PELI2: variants seen among roughly 807,000 people sequenced by gnomAD.
The protein encoded by PELI2 is E3 ubiquitin-protein ligase pellino homolog 2.
Under a neutral mutation model 42.3 loss-of-function variants are expected in PELI2, and 23 were observed. The ratio of observed to expected loss-of-function variants is 0.54; its 90% CI spans 0.39 to 0.77. The LOEUF is 0.77. Ranked by LOEUF, PELI2 falls within the 30% of genes least tolerant of loss-of-function variation. The pLI, the probability that PELI2 is intolerant of heterozygous loss-of-function variation, is 0.00. For synonymous variants in PELI2, 245 were observed against 212.2 expected (o/e 1.15, Z -1.34); for missense variants, 463 against 553.2 (o/e 0.84, Z 1.64).
chr14:56,140,802 T>C (rs945651384), intron 1 of PELI2, among the ~76,000 whole-genome samples: 1 of 152,210 alleles, frequency 6.6e-6, no homozygotes, highest in Non-Finnish European at 1.5e-5. Flanking sequence ...CCACAGGATC[T>C]AATGGGCAAG....
intron 1 of PELI2, among the ~76,000 whole-genome samples, chr14:56,152,648 G>A (rs1884407057): frequency 6.6e-6 from 1 of 152,048 alleles, no homozygotes; most frequent in Non-Finnish European, 1.5e-5. Flanking sequence ...ATTATCTTGT[G>A]TTTATGGTTT....
At chr14:56,266,252 T>C (rs1231799016) in intron 2 of PELI2, among the ~76,000 whole-genome samples, 3 of 151,974 alleles carry the variant, frequency 2.0e-5, no homozygotes, top group Non-Finnish European at 4.4e-5. Context: ...AAGCAAATAT[T>C]GATTTGTTTG....
At chr14:56,216,724 A>G (rs115842263) in intron 2 of PELI2, among the ~76,000 whole-genome samples, 112 of 152,368 alleles carry the variant, frequency 7.4e-4, no homozygotes, top group African/African-American at 2.6e-3. Flanking sequence ...GGCTGTGTTC[A>G]GAGTTCCATT....
At chr14:56,214,617 T>G (rs1886832363) in intron 2 of PELI2, among the ~76,000 whole-genome samples, 1 of 152,168 alleles carries the variant, frequency 6.6e-6, no homozygotes, top group African/African-American at 2.4e-5. Flanking sequence ...AGTCAGCTTC[T>G]GCTGTATGTC....
intron 2 of PELI2, among the ~76,000 whole-genome samples, chr14:56,228,499 T>C (rs182732058): frequency 6.6e-6 from 1 of 152,378 alleles, no homozygotes; most frequent in African/African-American, 2.4e-5. Flanking sequence ...TCATGTATTT[T>C]ATAATTAGGT....
chr14:56,296,542 C>A, intron 5 of PELI2, 58 bp from the exon 6 acceptor site: 2 of 1,163,298 alleles, frequency 1.7e-6, no homozygotes, highest in Non-Finnish European at 2.5e-6. Context: ...AGGAAAGAAT[C>A]TTGGAGTGAT....
chr14:56,175,805 C>T (rs1594611132), intron 1 of PELI2, among the ~76,000 whole-genome samples: 2 of 152,124 alleles, frequency 1.3e-5, no homozygotes, highest in South Asian at 4.1e-4. Flanking sequence ...ATTGAGTTAG[C>T]TGAAGCTGAA....
At chr14:56,196,013 G>A (rs1370796167) in intron 2 of PELI2, among the ~76,000 whole-genome samples, 1 of 152,224 alleles carries the variant, frequency 6.6e-6, no homozygotes, top group Non-Finnish European at 1.5e-5. Context: ...GGTAGAGAAG[G>A]AGGGACTCTG....
intron 2 of PELI2, among the ~76,000 whole-genome samples, chr14:56,190,842 AT>A (rs1390105155): frequency 6.6e-6 from 1 of 152,242 alleles, no homozygotes; most frequent in East Asian, 1.9e-4. Context: ...GTCAAAAAAT[AT>A]GGAAGTCAAT....
At position 56,298,547 on chromosome 14, in the gene PELI2, A is replaced by G. The variant is rs1434298785; in HGVS notation, c.*1381A>G. ...AATGTTCTCTTAATTTGACCATTGC[A>G]GATTTGGGTGACTTTTTTTTAACCT... On this transcript the variant is annotated 3_prime_UTR_variant, in exon 6 of 6. Coordinates refer to ENST00000267460, the MANE Select transcript of PELI2 (RefSeq NM_021255.3). The G allele has an allele frequency of 2.6e-5, 4 of 152,650 alleles. No individual in the cohort carries two copies. Among genetic ancestry groups the G allele is most frequent in the African/African-American group, 7.2e-5 (3 of 41,452 alleles). 9.5% of individuals were successfully genotyped at this position (152,650 alleles called of 1,614,324 possible).
chr14:56,123,727 T>C (rs984773107), intron 1 of PELI2, among the ~76,000 whole-genome samples: 6 of 152,216 alleles, frequency 3.9e-5, no homozygotes, highest in Non-Finnish European at 8.8e-5. Context: ...TAAATGAAAG[T>C]AAAACAGGCT....
chr14:56,145,371 A>C (rs1273574812), intron 1 of PELI2, among the ~76,000 whole-genome samples: 1 of 152,228 alleles, frequency 6.6e-6, no homozygotes, highest in African/African-American at 2.4e-5. Context: ...ACAATTCAGC[A>C]TGAGATTTGG....
intron 3 of PELI2, among the ~76,000 whole-genome samples, chr14:56,280,551 G>A (rs959712674): frequency 7.2e-5 from 11 of 152,060 alleles, no homozygotes; most frequent in African/African-American, 7.2e-5. Context: ...CATATGGAGA[G>A]TTAAATTATT....
chr14:56,165,781 CT>C (rs1314481613), intron 1 of PELI2, among the ~76,000 whole-genome samples: 7 of 152,038 alleles, frequency 4.6e-5, no homozygotes, highest in Admixed American at 3.9e-4. Flanking sequence ...TTTGTCTTTT[CT>C]TACAGTTTTT....
chr14:56,181,870 G>T (rs1174875897), intron 2 of PELI2, among the ~76,000 whole-genome samples: 6 of 139,748 alleles, frequency 4.3e-5, no homozygotes, highest in Non-Finnish European at 7.7e-5. Flanking sequence ...GTGTGTGTGT[G>T]TGTTTTTAAA....
chr14:56,297,215 T>G lies in PELI2; in HGVS notation c.*49T>G, dbSNP rs1275298453. On this transcript the variant is annotated 3_prime_UTR_variant, in exon 6 of 6. Transcript: ENST00000267460. ...TTTATTAACAGGTTACTGTGAAGAT[T>G]TTGCCACTAACTCTAGATTTTACCT... The G allele has an allele frequency of 2.3e-6, 3 of 1,331,500 alleles. No homozygotes were observed. The allele number at this position is 1,331,500 out of a possible 1,614,324, so 82.5% of individuals were successfully genotyped here. A position where few individuals can be genotyped will look rare whatever the true frequency, so the allele number is the denominator to read the frequency against.
chr14:56,215,047 C>A (rs1170186436), intron 2 of PELI2, among the ~76,000 whole-genome samples: 2 of 152,144 alleles, frequency 1.3e-5, no homozygotes, highest in African/African-American at 4.8e-5. Context: ...TAAGTAATAA[C>A]TGCTTTTTTT....
In PELI2 at chr14:56,154,170, A is replaced by G. The variant is rs143044747; in HGVS notation, c.78-24165A>G. 6.1e-4 allele frequency among the ~76,000 whole-genome samples: 93 copies of G among 152,334 alleles called. 1 individual carries two copies. The East Asian group carries it at 0.017, about 28-fold the overall frequency. Reference sequence around the variant, plus strand: ...CTTATGCATATTAAAAAGTTTCAACATGTTTAAGAGATGATGCTATATGTA... The same window carrying G: ...CTTATGCATATTAAAAAGTTTCAACGTGTTTAAGAGATGATGCTATATGTA... On this transcript the variant is annotated intron_variant, in intron 1 of 5. Coordinates refer to ENST00000267460, the MANE Select transcript of PELI2 (RefSeq NM_021255.3).
At chr14:56,131,349 T>G (rs183686410) in intron 1 of PELI2, among the ~76,000 whole-genome samples, 116 of 152,300 alleles carry the variant, frequency 7.6e-4, no homozygotes, top group African/African-American at 2.6e-3. Flanking sequence ...AGTTAAGCCT[T>G]TTTGGTTACA....
Sources: gnomAD v4.1 joint callset for allele counts (sites outside exome capture counted in the v4.1 genomes callset) on GRCh38, gnomAD v4.1.1 for gene constraint, MANE v1.5 for transcripts, NCBI Gene and HGNC (gene_info 2026-07-23, HGNC 2026-07-21) for gene names.